Variants in PLPP1 observed in about 807,000 individuals in gnomAD.
PLPP1 encodes phospholipid phosphatase 1.
Under a neutral mutation model 31.2 loss-of-function variants are expected in PLPP1, and 24 were observed. The ratio of observed to expected loss-of-function variants is 0.77; its 90% CI spans 0.56 to 1.08. The LOEUF is 1.08. PLPP1 is among the 50% of genes least tolerant of loss of function. The pLI, the probability that PLPP1 is intolerant of heterozygous loss-of-function variation, is 0.00. For synonymous variants in PLPP1, 146 were observed against 126.3 expected (o/e 1.16, Z -1.05); for missense variants, 319 against 342.7 (o/e 0.93, Z 0.55).
intron 1 of PLPP1, among the ~76,000 whole-genome samples, chr5:55,524,813 C>CA (rs1753746668): frequency 6.6e-6 from 1 of 151,440 alleles, no homozygotes; most frequent in Non-Finnish European, 1.5e-5. Context: ...TACGTCCCCC[C>CA]CCAAAAAAAA....
intron 3 of PLPP1, among the ~76,000 whole-genome samples, chr5:55,447,459 T>C (rs1436991603): frequency 1.3e-5 from 2 of 152,232 alleles, no homozygotes; most frequent in Admixed American, 1.3e-4. Context: ...TAAAGACTTA[T>C]AATTGTTACA....
intron 4 of PLPP1, among the ~76,000 whole-genome samples, chr5:55,437,374 AAAGT>A (rs1354120489): frequency 6.6e-6 from 1 of 152,188 alleles, no homozygotes; most frequent in Non-Finnish European, 1.5e-5. Flanking sequence ...TATTGTTAAT[AAAGT>A]AAGAACTTTT....
intron 3 of PLPP1, among the ~76,000 whole-genome samples, chr5:55,461,592 T>A (rs1307110541): frequency 1.3e-5 from 2 of 150,482 alleles, no homozygotes; most frequent in African/African-American, 4.9e-5. Context: ...ACAAAAAGCA[T>A]CTACAAAAAA....
At chr5:55,443,402 C>A (rs1751680788) in intron 3 of PLPP1, among the ~76,000 whole-genome samples, 1 of 151,628 alleles carries the variant, frequency 6.6e-6, no homozygotes, top group Non-Finnish European at 1.5e-5. Flanking sequence ...ACTTTTTAAC[C>A]TTGCTATTTG....
At chr5:55,523,997 G>A (rs1209397958) in intron 1 of PLPP1, among the ~76,000 whole-genome samples, 1 of 151,978 alleles carries the variant, frequency 6.6e-6, no homozygotes, top group South Asian at 2.1e-4. Context: ...GATCTTTTTT[G>A]CACTGGTATT....
intron 2 of PLPP1, among the ~76,000 whole-genome samples, chr5:55,473,011 A>C (rs1407932511): frequency 2.6e-5 from 4 of 152,224 alleles, no homozygotes; most frequent in Non-Finnish European, 4.4e-5. Flanking sequence ...GAATTGAAAG[A>C]CAGGTCTATT....
At position 55,512,723 on chromosome 5, in the gene PLPP1, T is replaced by TACACAC. The variant is rs71600885; in HGVS notation, c.58+21843_58+21848dup. ...CAAAAGAGTAAAATACATTATAAAC[T>TACACAC]ACACACACACACACACACACCCCTT... On this transcript the variant is annotated intron_variant, in intron 1 of 5. Coordinates refer to ENST00000307259, the MANE Select transcript of PLPP1 (RefSeq NM_003711.4). Among the ~76,000 whole-genome samples, 167 of 43,208 alleles carry TACACAC rather than the reference T, an allele frequency of 3.9e-3. 1 individual carries two copies. The highest frequency in any genetic ancestry group is 7.6e-3 in the African/African-American group (158 of 20,908). The allele number at this position is 43,208 out of a possible 152,430, so 28.3% of individuals were successfully genotyped here.
intron 2 of PLPP1, among the ~76,000 whole-genome samples, chr5:55,472,452 T>C (rs1189666598): frequency 6.6e-6 from 1 of 151,818 alleles, no homozygotes. Context: ...AATACAAAAA[T>C]TAGCTGATGT....
At chr5:55,502,409 C>T (rs1753166621) in intron 1 of PLPP1, among the ~76,000 whole-genome samples, 2 of 152,020 alleles carry the variant, frequency 1.3e-5, no homozygotes, top group South Asian at 2.1e-4. Context: ...ATCACCTGAA[C>T]CCAGGAGGTG....
intron 1 of PLPP1, among the ~76,000 whole-genome samples, chr5:55,511,296 AGGAC>A (rs1561252494): frequency 6.6e-6 from 1 of 152,212 alleles, no homozygotes; most frequent in Non-Finnish European, 1.5e-5. Context: ...AGTTTCCACA[AGGAC>A]GTTGTACACA....
chr5:55,522,667 AT>A (rs1753695075), intron 1 of PLPP1, among the ~76,000 whole-genome samples: 1 of 152,162 alleles, frequency 6.6e-6, no homozygotes, highest in African/African-American at 2.4e-5. Flanking sequence ...TAGTTACAAA[AT>A]ATTTAAGCCA....
intron 1 of PLPP1, among the ~76,000 whole-genome samples, chr5:55,477,066 G>C (rs1447241836): frequency 3.3e-5 from 5 of 150,646 alleles, no homozygotes; most frequent in East Asian, 3.9e-4. Context: ...AACTAGAGCT[G>C]ACTTTGCTAA....
Position 55,476,132 on chromosome 5 carries a change from C to T in PLPP1, c.59-682G>A, listed in dbSNP as rs539977494. ...CAGCTGGGACCACAGGCACGCACCA[C>T]CATGCCAAGCTGGTTTGTTGGTTTT... On this transcript the variant is annotated intron_variant, in intron 1 of 5. Transcript: ENST00000307259. Among the ~76,000 whole-genome samples, 150 of 151,988 alleles carry T rather than the reference C, an allele frequency of 9.9e-4. 8 individuals carry two copies. The South Asian group carries it at 0.03, about 30-fold the overall frequency.
intron 1 of PLPP1, among the ~76,000 whole-genome samples, chr5:55,511,349 A>G (rs1753401954): frequency 6.6e-6 from 1 of 152,194 alleles, no homozygotes. Context: ...AATATCCAAA[A>G]ATGGGGGCAA....
chr5:55,486,859 G>A (rs1752785395), intron 1 of PLPP1, among the ~76,000 whole-genome samples: 2 of 151,802 alleles, frequency 1.3e-5, no homozygotes, highest in Non-Finnish European at 2.9e-5. Context: ...GTTGCAGTGA[G>A]CCAAAATCGC....
At chr5:55,515,304 C>A (rs1245627324) in intron 1 of PLPP1, among the ~76,000 whole-genome samples, 5 of 152,158 alleles carry the variant, frequency 3.3e-5, no homozygotes, top group Admixed American at 2.6e-4. Flanking sequence ...ATAGGAAACA[C>A]AAAAAACTAT....
At chr5:55,503,499 G>C (rs889543549) in intron 1 of PLPP1, among the ~76,000 whole-genome samples, 1 of 152,036 alleles carries the variant, frequency 6.6e-6, no homozygotes, top group Middle Eastern at 3.4e-3. Context: ...TTCTTGGCTG[G>C]GTGCGGTAGT....
chr5:55,501,768 T>C (rs1035931031), intron 1 of PLPP1, among the ~76,000 whole-genome samples: 1 of 152,224 alleles, frequency 6.6e-6, no homozygotes, highest in African/African-American at 2.4e-5. Flanking sequence ...CCTCCCAAAG[T>C]GCTGGGATTA....
At chr5:55,510,678 T>C (rs1158021421) in intron 1 of PLPP1, among the ~76,000 whole-genome samples, 1 of 152,156 alleles carries the variant, frequency 6.6e-6, no homozygotes, top group African/African-American at 2.4e-5. Flanking sequence ...CTAGCTTCCA[T>C]TCAGCTACTG....
Sources: gnomAD v4.1 joint callset for allele counts (sites outside exome capture counted in the v4.1 genomes callset) on GRCh38, gnomAD v4.1.1 for gene constraint, MANE v1.5 for transcripts, NCBI Gene and HGNC (gene_info 2026-07-23, HGNC 2026-07-21) for gene names.